Variants in ANKS1B observed in about 807,000 individuals in gnomAD.
ANKS1B encodes the protein ankyrin repeat and sterile alpha motif domain containing 1B, also known as ankyrin repeat and sterile alpha motif domain-containing protein 1B.
In ANKS1B, 36 loss-of-function variants were observed where a neutral mutation model predicts 148.3. That is an observed-to-expected ratio of 0.24 (90% confidence interval 0.19 to 0.32). The LOEUF is 0.32. ANKS1B is among the 10% of genes least tolerant of loss of function. ANKS1B has a pLI of 1.00. For missense variants in ANKS1B, 1,157 were observed against 1,542.6 expected, an observed-to-expected ratio of 0.75 and a Z score of 4.19; for synonymous variants, 542 against 560.8, an observed-to-expected ratio of 0.97 and a Z score of 0.47.
At chr12:99,593,243 G>A (rs1418536289) in intron 9 of ANKS1B, among the ~76,000 whole-genome samples, 1 of 140,282 alleles carries the variant, frequency 7.1e-6, no homozygotes. Context: ...GGTTGGGGTT[G>A]GGGGGGTCTT....
intron 10 of ANKS1B, among the ~76,000 whole-genome samples, chr12:99,459,228 C>T (rs1355679170): frequency 6.6e-6 from 1 of 152,040 alleles, no homozygotes; most frequent in East Asian, 1.9e-4. Flanking sequence ...ATGATTAAAA[C>T]CCTAAGTAAA....
At chr12:99,435,990 C>T (rs1363668415) in intron 11 of ANKS1B, among the ~76,000 whole-genome samples, 3 of 151,814 alleles carry the variant, frequency 2.0e-5, no homozygotes, top group African/African-American at 4.8e-5. Context: ...CTTTCCAAAT[C>T]GCTCTTTGTT....
intron 16 of ANKS1B, among the ~76,000 whole-genome samples, chr12:99,053,996 G>T (rs1419173357): frequency 2.0e-5 from 3 of 152,186 alleles, no homozygotes; most frequent in Non-Finnish European, 4.4e-5. Flanking sequence ...GCAACATAAT[G>T]TTTCTGAGTT....
chr12:99,022,575 G>A (rs1327860085), intron 17 of ANKS1B, among the ~76,000 whole-genome samples: 7 of 152,150 alleles, frequency 4.6e-5, no homozygotes, highest in South Asian at 4.1e-4. Context: ...CTTCCCCGCC[G>A]TGTCACCTAG....
chr12:99,812,554 CACACAGAG>C (rs139450464), intron 2 of ANKS1B, among the ~76,000 whole-genome samples: 22,184 of 98,012 alleles, frequency 0.23, 1,848 homozygotes, highest in Middle Eastern at 0.29. Context: ...CACACACACA[CACACAGAG>C]AGAGAGAGAG....
chr12:99,351,969 A>G (rs566133425), intron 12 of ANKS1B: 1 of 152,192 alleles, frequency 6.6e-6, no homozygotes, highest in Non-Finnish European at 1.5e-5. Context: ...CATAGGAGAA[A>G]GCATACCTCA....
At chr12:99,649,526 GT>G (rs1182619369) in intron 9 of ANKS1B, 18 of 699,770 alleles carry the variant, frequency 2.6e-5, no homozygotes, top group Non-Finnish European at 3.9e-5. Flanking sequence ...ACCACCACAG[GT>G]ACCATGGATG....
At chr12:99,064,123 T>C (rs1210030132) in intron 16 of ANKS1B, among the ~76,000 whole-genome samples, 1 of 152,164 alleles carries the variant, frequency 6.6e-6, no homozygotes, top group African/African-American at 2.4e-5. Context: ...CTCCCAGCTG[T>C]AGGCATAAGG....
At chr12:99,927,074 T>C (rs1442966091) in intron 1 of ANKS1B, among the ~76,000 whole-genome samples, 1 of 152,192 alleles carries the variant, frequency 6.6e-6, no homozygotes, top group African/African-American at 2.4e-5. Context: ...GAGAGTTGAT[T>C]GAAGTCCCTC....
intron 10 of ANKS1B, among the ~76,000 whole-genome samples, chr12:99,445,013 T>G (rs2095613932): frequency 6.6e-6 from 1 of 151,910 alleles, no homozygotes; most frequent in Admixed American, 6.6e-5. Flanking sequence ...AACAAAAAAT[T>G]CAAGTATGAC....
chr12:99,553,275 G>C (rs1040906784), intron 9 of ANKS1B, among the ~76,000 whole-genome samples: 4 of 152,124 alleles, frequency 2.6e-5, no homozygotes, highest in Non-Finnish European at 5.9e-5. Flanking sequence ...AATTAGGATA[G>C]CCCTCATCAT....
At chr12:99,480,793 G>GT (rs1377415829) in intron 10 of ANKS1B, among the ~76,000 whole-genome samples, 2 of 151,776 alleles carry the variant, frequency 1.3e-5, no homozygotes, top group Admixed American at 1.3e-4. Context: ...ATCTTCATTA[G>GT]TTTTTTCCTC....
intron 9 of ANKS1B, among the ~76,000 whole-genome samples, chr12:99,529,260 C>T (rs771181802): frequency 6.6e-6 from 1 of 152,150 alleles, no homozygotes; most frequent in African/African-American, 2.4e-5. Context: ...ATGTAGTTCA[C>T]CAATAAGAAG....
chr12:99,680,052 TC>T (rs1164805152), intron 8 of ANKS1B, among the ~76,000 whole-genome samples: 1 of 152,200 alleles, frequency 6.6e-6, no homozygotes, highest in Non-Finnish European at 1.5e-5. Context: ...CAAACACACA[TC>T]CTCCTTGGGG....
intron 1 of ANKS1B, among the ~76,000 whole-genome samples, chr12:99,894,459 TG>T (rs2093298359): frequency 7.2e-6 from 1 of 139,614 alleles, no homozygotes; most frequent in Admixed American, 8.0e-5. Context: ...CAGTGAGCCA[TG>T]GCCATGCCAC....
chr12:98,901,042 T>C (rs935891130), intron 17 of ANKS1B, among the ~76,000 whole-genome samples: 1 of 152,210 alleles, frequency 6.6e-6, no homozygotes, highest in Admixed American at 6.5e-5. Flanking sequence ...TTTTAGTAAT[T>C]AGTCAATTGC....
At chr12:99,374,729 A>G (rs2093315873) in intron 12 of ANKS1B, among the ~76,000 whole-genome samples, 1 of 152,220 alleles carries the variant, frequency 6.6e-6, no homozygotes, top group African/African-American at 2.4e-5. Context: ...TTATCTTAAA[A>G]GATCTTATGG....
At chr12:99,410,712 C>A (rs1484273729) in intron 11 of ANKS1B, among the ~76,000 whole-genome samples, 2 of 152,094 alleles carry the variant, frequency 1.3e-5, no homozygotes, top group Non-Finnish European at 1.5e-5. Context: ...CAGGAAATTT[C>A]TCTGAGGAGG....
rs1378927629 is a variant in ANKS1B at position 99,375,076 on chromosome 12, C to T, written c.1756+24555G>A. Among the ~76,000 whole-genome samples, 4 of 152,296 alleles carry T rather than the reference C, an allele frequency of 2.6e-5. 1 individual carries two copies. Among genetic ancestry groups the T allele is most frequent in the Middle Eastern group, 6.8e-3 (2 of 294 alleles). On this transcript the variant is annotated intron_variant, in intron 12 of 26. Coordinates refer to ENST00000683438, the MANE Select transcript of ANKS1B (RefSeq NM_001352186.2). The stretch of plus-strand genomic sequence containing the variant: ...AGTTTGGATCACCTTATCTTAAAGG[C>T]TACTTGGTGAACAGAGTTGAAGTTT...
Sources: allele counts gnomAD v4.1 joint callset (sites outside exome capture counted in the v4.1 genomes callset), GRCh38; gene constraint gnomAD v4.1.1; transcripts MANE v1.5; gene names NCBI Gene and HGNC (gene_info 2026-07-23, HGNC 2026-07-21).